Variants in XRCC4 observed in about 807,000 individuals in gnomAD.
XRCC4 encodes the protein X-ray repair cross complementing 4, also known as DNA repair protein XRCC4.
A neutral mutation model predicts 39.1 loss-of-function variants in XRCC4; 28 were observed. That is an observed-to-expected ratio of 0.72 (90% CI 0.53 to 0.98). The LOEUF (loss-of-function observed/expected upper bound fraction) is 0.98. Among genes scored for constraint, XRCC4 ranks in the 50% least tolerant of loss-of-function variants. XRCC4 has a pLI of 0.00. For missense variants in XRCC4, 350 were observed against 376.4 expected, an observed-to-expected ratio of 0.93 and a Z score of 0.58; for synonymous variants, 123 against 126.4, an observed-to-expected ratio of 0.97 and a Z score of 0.18.
chr5:83,339,523 T>C (rs1756692243), intron 7 of XRCC4, among the ~76,000 whole-genome samples: 1 of 151,960 alleles, frequency 6.6e-6, no homozygotes, highest in African/African-American at 2.4e-5. Context: ...AAACACCTAA[T>C]GTAAATGACT....
Position 83,209,154 on chromosome 5 carries a change from A to T in XRCC4, c.745+4233A>T, listed in dbSNP as rs16900235. Among the ~76,000 whole-genome samples the T allele has an allele frequency of 2.9e-3, 436 of 151,850 alleles. 11 individuals are homozygous for T. In the East Asian group the frequency reaches 0.073, roughly 25 times the overall value. On this transcript the variant is annotated intron_variant, in intron 6 of 7. Coordinates refer to ENST00000396027, the MANE Select transcript of XRCC4 (RefSeq NM_003401.5). ...ATAGAAATCTGTTGGGTTATTATAG[A>T]TACTGTGAAACAGTCTTCCCTATAA...
intron 3 of XRCC4, among the ~76,000 whole-genome samples, chr5:83,152,839 T>A (rs1748779468): frequency 6.6e-6 from 1 of 152,148 alleles, no homozygotes; most frequent in South Asian, 2.1e-4. Context: ...GTGCAGTCGA[T>A]CTACAGTACA....
intron 6 of XRCC4, among the ~76,000 whole-genome samples, chr5:83,241,537 T>C (rs1359910786): frequency 6.6e-6 from 1 of 152,152 alleles, no homozygotes; most frequent in Non-Finnish European, 1.5e-5. Context: ...AAGTGTCATA[T>C]ACTCTAGATA....
intron 3 of XRCC4, among the ~76,000 whole-genome samples, chr5:83,187,540 A>G (rs984750791): frequency 1.2e-4 from 18 of 152,208 alleles, no homozygotes; most frequent in Admixed American, 3.3e-4. Context: ...CTATTCAAGC[A>G]TAGAAAGAAG....
intron 7 of XRCC4, among the ~76,000 whole-genome samples, chr5:83,349,627 T>A (rs1434364904): frequency 2.0e-5 from 3 of 152,204 alleles, no homozygotes; most frequent in Admixed American, 2.0e-4. Flanking sequence ...TCCTTCAGTC[T>A]GGTCACTTCA....
chr5:83,192,149 T>G (rs1487784708), intron 3 of XRCC4, among the ~76,000 whole-genome samples: 1 of 143,274 alleles, frequency 7.0e-6, no homozygotes, highest in Non-Finnish European at 1.6e-5. Flanking sequence ...TGAAACCTAC[T>G]ATGATTCTTT....
At position 83,353,664 on chromosome 5, in the gene XRCC4, T is replaced by C. The variant is rs1440479500; in HGVS notation, c.*422T>C. 1 of 152,590 alleles carries C rather than the reference T, an allele frequency of 6.6e-6. No individual in the cohort carries two copies. The highest frequency in any genetic ancestry group is 1.9e-4 in the East Asian group (1 of 5,208). 9.5% of individuals were successfully genotyped at this position (152,590 alleles called of 1,614,324 possible). A position where few individuals can be genotyped will look rare whatever the true frequency, so the allele number is the denominator to read the frequency against. On this transcript the variant is annotated 3_prime_UTR_variant, in exon 8 of 8. Transcript: ENST00000396027. ...TCAAACATATTCTGAACATTGATGT[T>C]TGAACATTTTAATTTGTGTGATGAT...
chr5:83,242,632 T>C (rs938978859), intron 6 of XRCC4, among the ~76,000 whole-genome samples: 1 of 152,030 alleles, frequency 6.6e-6, no homozygotes, highest in Non-Finnish European at 1.5e-5. Flanking sequence ...TTTTAAAAAT[T>C]ATTATTGAAT....
intron 3 of XRCC4, among the ~76,000 whole-genome samples, chr5:83,131,454 A>G (rs1012362222): frequency 3.3e-5 from 5 of 152,140 alleles, no homozygotes; most frequent in African/African-American, 4.8e-5. Flanking sequence ...TGTCTCATTG[A>G]TCTGTCTAAT....
At chr5:83,248,093 A>G (rs1057151503) in intron 6 of XRCC4, among the ~76,000 whole-genome samples, 1 of 151,998 alleles carries the variant, frequency 6.6e-6, no homozygotes, top group Non-Finnish European at 1.5e-5. Flanking sequence ...CACCAACTCA[A>G]CTCTCAGTTG....
At chr5:83,178,276 A>G (rs750638814) in intron 3 of XRCC4, among the ~76,000 whole-genome samples, 49 of 152,132 alleles carry the variant, frequency 3.2e-4, no homozygotes, top group Non-Finnish European at 5.1e-4. Flanking sequence ...AGCTTAGTGT[A>G]TGGATATGAA....
At chr5:83,308,420 T>C (rs1446891086) in intron 7 of XRCC4, among the ~76,000 whole-genome samples, 3 of 151,772 alleles carry the variant, frequency 2.0e-5, no homozygotes, top group Admixed American at 2.0e-4. Flanking sequence ...ATTATAAAAT[T>C]GGGCCACTTT....
chr5:83,320,379 T>A (rs7729668), intron 7 of XRCC4, among the ~76,000 whole-genome samples: 13,163 of 135,306 alleles, frequency 0.097, 1,841 homozygotes, highest in African/African-American at 0.33. Flanking sequence ...AATAAAAAAA[T>A]AATAAAAAAA....
chr5:83,320,927 T>A (rs151229575), intron 7 of XRCC4, among the ~76,000 whole-genome samples: 1 of 149,198 alleles, frequency 6.7e-6, no homozygotes, highest in African/African-American at 2.5e-5. Flanking sequence ...TTCTTCTGCC[T>A]CAGCCTCCCA....
At chr5:83,154,068 T>C (rs1403144365) in intron 3 of XRCC4, among the ~76,000 whole-genome samples, 2 of 152,218 alleles carry the variant, frequency 1.3e-5, no homozygotes, top group Non-Finnish European at 2.9e-5. Flanking sequence ...AAGGAAAGTG[T>C]TGGCCACCAA....
At chr5:83,342,183 TTTTG>T (rs1292711275) in intron 7 of XRCC4, among the ~76,000 whole-genome samples, 4 of 152,324 alleles carry the variant, frequency 2.6e-5, no homozygotes, top group African/African-American at 4.8e-5. Flanking sequence ...ACCATAACAA[TTTTG>T]TTTATCTGAA....
intron 7 of XRCC4, among the ~76,000 whole-genome samples, chr5:83,295,783 T>C (rs1205298834): frequency 1.3e-5 from 2 of 151,866 alleles, no homozygotes; most frequent in Non-Finnish European, 1.5e-5. Context: ...GTAAGCAGGA[T>C]CCAGATCATG....
chr5:83,313,802 C>T (rs1755788412), intron 7 of XRCC4, among the ~76,000 whole-genome samples: 1 of 152,130 alleles, frequency 6.6e-6, no homozygotes, highest in Non-Finnish European at 1.5e-5. Context: ...ATTGTAACCC[C>T]ATCCCACTCC....
At chr5:83,162,395 G>T (rs1437613195) in intron 3 of XRCC4, among the ~76,000 whole-genome samples, 1 of 152,034 alleles carries the variant, frequency 6.6e-6, no homozygotes, top group Non-Finnish European at 1.5e-5. Flanking sequence ...AATTGGGGTT[G>T]GGGGGAGTGA....
Sources: allele counts gnomAD v4.1 joint callset (sites outside exome capture counted in the v4.1 genomes callset), GRCh38; gene constraint gnomAD v4.1.1; transcripts MANE v1.5; gene names NCBI Gene and HGNC (gene_info 2026-07-23, HGNC 2026-07-21).